SHISA6: variants seen among roughly 807,000 people sequenced by gnomAD.
SHISA6 encodes the protein shisa family member 6.
SHISA6 carries 22 observed loss-of-function variants against 47.9 expected under a neutral mutation model. The observed-to-expected ratio is 0.46, with a 90% confidence interval of 0.33 to 0.66. The LOEUF (loss-of-function observed/expected upper bound fraction) is 0.66. Among genes scored for constraint, SHISA6 ranks in the 30% least tolerant of loss-of-function variants. The probability of loss-of-function intolerance (pLI) is 0.02; values close to 1 mark genes in which losing one functional copy is unlikely to be tolerated. For missense variants in SHISA6, 680 were observed against 764.6 expected (o/e 0.89, Z 1.30); for synonymous variants, 388 against 337.8 (o/e 1.15, Z -1.63).
intron 3 of SHISA6, among the ~76,000 whole-genome samples, chr17:11,532,085 A>T (rs538253640): frequency 6.6e-6 from 1 of 151,636 alleles, no homozygotes; most frequent in East Asian, 1.9e-4. Flanking sequence ...GACAGAAGAT[A>T]ATGATGTAGA....
intron 3 of SHISA6, among the ~76,000 whole-genome samples, chr17:11,458,034 G>A (rs1027358547): frequency 1.3e-4 from 19 of 147,620 alleles, no homozygotes; most frequent in Admixed American, 6.1e-4. Context: ...GCAGTGAGCC[G>A]AGATCACGCC....
At chr17:11,555,929 G>A in intron 5 of SHISA6, 37 bp downstream of exon 5, 5 of 1,483,294 alleles carry the variant, frequency 3.4e-6, no homozygotes, top group Non-Finnish European at 4.5e-6. Context: ...GTCTGTCTCT[G>A]GGGCTCCAAG....
chr17:11,411,836 T>C (rs1377628654), intron 3 of SHISA6, among the ~76,000 whole-genome samples: 1 of 152,196 alleles, frequency 6.6e-6, no homozygotes, highest in Non-Finnish European at 1.5e-5. Context: ...TTCGTCTGGG[T>C]AGCTGGAGTT....
chr17:11,555,919 G>C, intron 5 of SHISA6, 27 bp downstream of exon 5: 1 of 1,503,082 alleles, frequency 6.7e-7, no homozygotes, highest in Non-Finnish European at 8.9e-7. Context: ...CCAAGTTGGG[G>C]TCTGTCTCTG....
At chr17:11,539,978 G>A (rs149829738) in intron 3 of SHISA6, among the ~76,000 whole-genome samples, 2 of 152,272 alleles carry the variant, frequency 1.3e-5, no homozygotes, top group African/African-American at 4.8e-5. Context: ...CCGCAGAGAA[G>A]AGCCCTCGAC....
intron 3 of SHISA6, among the ~76,000 whole-genome samples, chr17:11,497,410 G>A (rs1454706993): frequency 6.6e-6 from 1 of 152,080 alleles, no homozygotes; most frequent in East Asian, 1.9e-4. Flanking sequence ...AGTTGAAAAC[G>A]GGAGGACCAC....
At chr17:11,380,599 T>G (rs1912976554) in intron 3 of SHISA6, 1 of 152,224 alleles carries the variant, frequency 6.6e-6, no homozygotes, top group Non-Finnish European at 1.5e-5. Flanking sequence ...CTGGGATTGC[T>G]GGTCCCCACA....
intron 2 of SHISA6, among the ~76,000 whole-genome samples, chr17:11,279,128 G>A (rs1796711510): frequency 6.6e-6 from 1 of 152,172 alleles, no homozygotes; most frequent in African/African-American, 2.4e-5. Context: ...CATGCTTCCT[G>A]CAATTATTTG....
chr17:11,329,760 G>C (rs555320569), intron 2 of SHISA6, among the ~76,000 whole-genome samples: 1 of 152,068 alleles, frequency 6.6e-6, no homozygotes, highest in African/African-American at 2.4e-5. Flanking sequence ...CAGTTGTCCT[G>C]GTCTGAATTT....
At chr17:11,373,174 G>A (rs1019326646) in intron 2 of SHISA6, among the ~76,000 whole-genome samples, 4 of 151,062 alleles carry the variant, frequency 2.6e-5, no homozygotes, top group East Asian at 1.9e-4. Context: ...CTTTCTTGGT[G>A]GATTTTTTCA....
chr17:11,252,277 C>T (rs890964993), intron 1 of SHISA6, among the ~76,000 whole-genome samples: 3 of 152,174 alleles, frequency 2.0e-5, no homozygotes, highest in Non-Finnish European at 2.9e-5. Context: ...CTCATTATTC[C>T]TTGCTTTTTT....
chr17:11,468,643 C>T (rs1195476874), intron 3 of SHISA6, among the ~76,000 whole-genome samples: 1 of 152,168 alleles, frequency 6.6e-6, no homozygotes, highest in African/African-American at 2.4e-5. Flanking sequence ...TCAAAGCCCA[C>T]TGTTTCTTTC....
At chr17:11,553,431 T>C (rs59814691) in intron 4 of SHISA6, among the ~76,000 whole-genome samples, 12 of 152,314 alleles carry the variant, frequency 7.9e-5, no homozygotes, top group African/African-American at 2.9e-4. Context: ...GACTCCTGAA[T>C]ACAACAGGAG....
At chr17:11,350,182 A>ATTTTTTTTTTTTTTTTT (rs778331945) in intron 2 of SHISA6, among the ~76,000 whole-genome samples, 3 of 116,240 alleles carry the variant, frequency 2.6e-5, no homozygotes, top group South Asian at 2.9e-4. Context: ...TTATTTATTT[A>ATTTTTTTTTTTTTTTTT]TTTTTTTTTT....
At chr17:11,335,841 A>T (rs547764291) in intron 2 of SHISA6, among the ~76,000 whole-genome samples, 9 of 152,264 alleles carry the variant, frequency 5.9e-5, no homozygotes, top group Admixed American at 5.9e-4. Flanking sequence ...GGTGGTTGCA[A>T]TAAAGTTTAT....
chr17:11,360,538 T>G (rs1597475568), intron 2 of SHISA6, among the ~76,000 whole-genome samples: 2 of 143,004 alleles, frequency 1.4e-5, no homozygotes, highest in Admixed American at 7.3e-5. Flanking sequence ...CCAGCCTGGG[T>G]GACAGAGCAA....
At chr17:11,254,029 T>C (rs2142139157) in intron 1 of SHISA6, among the ~76,000 whole-genome samples, 1 of 152,328 alleles carries the variant, frequency 6.6e-6, no homozygotes, top group Middle Eastern at 3.4e-3. Context: ...TCACACCTAC[T>C]GTAGGAAGTG....
intron 2 of SHISA6, among the ~76,000 whole-genome samples, chr17:11,295,851 T>A (rs1909733283): frequency 6.6e-6 from 1 of 151,048 alleles, no homozygotes; most frequent in Non-Finnish European, 1.5e-5. Flanking sequence ...TGGTCCCAGC[T>A]ACTCAGGAGG....
Position 11,372,862 on chromosome 17 carries a change from G to A in SHISA6, c.800-6552G>A, listed in dbSNP as rs991713763. 2.7e-4 allele frequency among the ~76,000 whole-genome samples: 41 copies of A among 151,932 alleles called. 1 individual carries two copies. Among genetic ancestry groups the A allele is most frequent in the African/African-American group, 9.0e-4 (37 of 41,340 alleles). On this transcript the variant is annotated intron_variant, in intron 2 of 5. Transcript: ENST00000441885. ...GAGGCCAGCTCTGTGCCTGTTCTGA[G>A]GGCACATAATGCATTTCAAGCAGGC...
Sources: gnomAD v4.1 joint callset for allele counts (sites outside exome capture counted in the v4.1 genomes callset) on GRCh38, gnomAD v4.1.1 for gene constraint, MANE v1.5 for transcripts, NCBI Gene and HGNC (gene_info 2026-07-23, HGNC 2026-07-21) for gene names.